Variants in HS6ST3 observed in about 807,000 individuals in gnomAD.
The protein encoded by HS6ST3 is heparan sulfate 6-O-sulfotransferase 3.
In HS6ST3, 12 loss-of-function variants were observed where a neutral mutation model predicts 36.7. The ratio of observed to expected loss-of-function variants is 0.33; its 90% confidence interval spans 0.21 to 0.53. The LOEUF (loss-of-function observed/expected upper bound fraction) is 0.53, where lower values mean the gene tolerates loss of function less well. Among genes scored for constraint, HS6ST3 ranks in the 20% least tolerant of loss-of-function variants. The pLI, the probability that HS6ST3 is intolerant of heterozygous loss-of-function variation, is 0.95. For missense variants in HS6ST3, 584 were observed against 640.9 expected, an observed-to-expected ratio of 0.91 and a Z score of 0.96; for synonymous variants, 240 against 257.5, an observed-to-expected ratio of 0.93 and a Z score of 0.65.
chr13:96,648,368 T>G (rs948391388), intron 1 of HS6ST3, among the ~76,000 whole-genome samples: 9 of 152,094 alleles, frequency 5.9e-5, no homozygotes, highest in Non-Finnish European at 1.2e-4. Flanking sequence ...TGAGTGCCTC[T>G]GGACCCAGTC....
intron 1 of HS6ST3, among the ~76,000 whole-genome samples, chr13:96,109,759 G>T (rs1566883993): frequency 6.6e-6 from 1 of 152,168 alleles, no homozygotes; most frequent in African/African-American, 2.4e-5. Context: ...GGTGAGCTAT[G>T]CACCTCAGTC....
At chr13:96,673,390 A>G (rs951280270) in intron 1 of HS6ST3, among the ~76,000 whole-genome samples, 5 of 152,200 alleles carry the variant, frequency 3.3e-5, no homozygotes, top group Admixed American at 6.5e-5. Context: ...TCAGCCATAT[A>G]TAGGAAGTAA....
At chr13:96,374,565 C>T (rs553432364) in intron 1 of HS6ST3, among the ~76,000 whole-genome samples, 9 of 152,274 alleles carry the variant, frequency 5.9e-5, no homozygotes, top group African/African-American at 2.2e-4. Flanking sequence ...CAGGAACACT[C>T]CTTGTCCTTT....
chr13:96,466,845 C>A (rs748463050), intron 1 of HS6ST3, among the ~76,000 whole-genome samples: 3 of 152,102 alleles, frequency 2.0e-5, no homozygotes, highest in Non-Finnish European at 4.4e-5. Flanking sequence ...TTGGAAATCT[C>A]CTGTGATGAG....
intron 1 of HS6ST3, among the ~76,000 whole-genome samples, chr13:96,696,800 TGCCTCATTTG>T (rs1875140926): frequency 6.6e-6 from 1 of 152,268 alleles, no homozygotes; most frequent in East Asian, 1.9e-4. Flanking sequence ...GAGTAAAGCC[TGCCTCATTTG>T]GCATTTAGAA....
intron 1 of HS6ST3, among the ~76,000 whole-genome samples, chr13:96,513,342 CT>C (rs1566382899): frequency 6.6e-6 from 1 of 151,886 alleles, no homozygotes; most frequent in Non-Finnish European, 1.5e-5. Flanking sequence ...TCTTTGAACA[CT>C]TTTTAAAAAT....
At chr13:96,660,143 G>A (rs1001947818) in intron 1 of HS6ST3, among the ~76,000 whole-genome samples, 8 of 151,968 alleles carry the variant, frequency 5.3e-5, no homozygotes, top group Non-Finnish European at 1.0e-4. Flanking sequence ...AATGAAGAAA[G>A]CCTCTATTTT....
At chr13:96,628,325 A>AT (rs1293355938) in intron 1 of HS6ST3, among the ~76,000 whole-genome samples, 1 of 151,682 alleles carries the variant, frequency 6.6e-6, no homozygotes, top group Admixed American at 6.6e-5. Flanking sequence ...TTTTCTAGGT[A>AT]TTTTTTTGCT....
chr13:96,357,136 C>A (rs934100323), intron 1 of HS6ST3, among the ~76,000 whole-genome samples: 2 of 152,182 alleles, frequency 1.3e-5, no homozygotes, highest in African/African-American at 2.4e-5. Flanking sequence ...TAGGCTTTGT[C>A]TTAAGGGAAT....
Position 96,609,928 on chromosome 13 carries a change from CT to C in HS6ST3, c.708-222559del, listed in dbSNP as rs1889988479. 3.9e-5 allele frequency among the ~76,000 whole-genome samples: 6 copies of C among 152,314 alleles called. No homozygotes were observed. In the South Asian group the frequency reaches 1.0e-3, roughly 26 times the overall value. On this transcript the variant is annotated intron_variant, in intron 1 of 1. Transcript: ENST00000376705. The stretch of plus-strand genomic sequence containing the variant: ...AGCATATATGATAGGAACTAACTTC[CT>C]TTCTCTTTTACAGAACAATTAGGTA...
rs554286342 is a variant in HS6ST3, at chr13:96,451,044, T to G, written c.707+359475T>G. 1.5e-4 allele frequency among the ~76,000 whole-genome samples: 23 copies of G among 151,468 alleles called. 1 individual carries two copies. The South Asian group carries it at 4.8e-3, about 31-fold the overall frequency. ...AAGCAGCTAGACCTCAGCTAGTTTA[T>G]TTCTAACTTTTTCCATGTTTCATAG... On this transcript the variant is annotated intron_variant, in intron 1 of 1. Coordinates refer to ENST00000376705, the MANE Select transcript of HS6ST3 (RefSeq NM_153456.4).
At chr13:96,356,457 G>A (rs543455239) in intron 1 of HS6ST3, among the ~76,000 whole-genome samples, 1 of 152,260 alleles carries the variant, frequency 6.6e-6, no homozygotes, top group South Asian at 2.1e-4. Flanking sequence ...GCTGCAGAAT[G>A]GATGTTGTGT....
chr13:96,242,496 G>C (rs545556834), intron 1 of HS6ST3, among the ~76,000 whole-genome samples: 125 of 152,264 alleles, frequency 8.2e-4, no homozygotes, highest in African/African-American at 2.9e-3. Context: ...TGGGATTACA[G>C]GCGTGAGCCA....
intron 1 of HS6ST3, among the ~76,000 whole-genome samples, chr13:96,831,499 C>T (rs1185141282): frequency 6.6e-6 from 1 of 152,088 alleles, no homozygotes. Flanking sequence ...ACAATAAAAC[C>T]CATTTTACAA....
chr13:96,410,044 A>C (rs1349206407), intron 1 of HS6ST3, among the ~76,000 whole-genome samples: 1 of 152,220 alleles, frequency 6.6e-6, no homozygotes, highest in Non-Finnish European at 1.5e-5. Context: ...TAAGGATAAT[A>C]TCTTCCTCAC....
At chr13:96,574,505 G>T in intron 1 of HS6ST3, 1 of 427,924 alleles carries the variant, frequency 2.3e-6, no homozygotes, top group South Asian at 3.3e-5. Context: ...CATTACTCCT[G>T]ACACATGGCT....
At chr13:96,137,132 C>G (rs774108578) in intron 1 of HS6ST3, among the ~76,000 whole-genome samples, 30 of 151,554 alleles carry the variant, frequency 2.0e-4, no homozygotes, top group Admixed American at 5.3e-4. Context: ...TCTTTCATGC[C>G]CCCTTTTAAT....
intron 1 of HS6ST3, among the ~76,000 whole-genome samples, chr13:96,252,940 C>T (rs1248716272): frequency 6.6e-6 from 1 of 152,094 alleles, no homozygotes; most frequent in Non-Finnish European, 1.5e-5. Flanking sequence ...GAACCATGAG[C>T]TAATTAAACC....
At chr13:96,434,989 A>AT (rs200225555) in intron 1 of HS6ST3, among the ~76,000 whole-genome samples, 11 of 150,890 alleles carry the variant, frequency 7.3e-5, no homozygotes, top group African/African-American at 2.2e-4. Flanking sequence ...CCTAACTTTA[A>AT]TTTTTTTTTT....
Sources: allele counts gnomAD v4.1 joint callset (sites outside exome capture counted in the v4.1 genomes callset), GRCh38; gene constraint gnomAD v4.1.1; transcripts MANE v1.5; gene names NCBI Gene and HGNC (gene_info 2026-07-23, HGNC 2026-07-21).